FBXW5: variants seen among roughly 807,000 people sequenced by gnomAD.
FBXW5 encodes F-box/WD repeat-containing protein 5.
A neutral mutation model predicts 50.9 loss-of-function variants in FBXW5; 74 were observed. The ratio of observed to expected loss-of-function variants is 1.45; its 90% CI spans 1.20 to 1.76. The LOEUF (loss-of-function observed/expected upper bound fraction) is 1.76. Ranked by LOEUF, FBXW5 falls within the 40% of genes most tolerant of loss-of-function variation. The pLI, the probability that FBXW5 is intolerant of heterozygous loss-of-function variation, is 0.00. For missense variants in FBXW5, 1,073 were observed against 818.8 expected (o/e 1.31, Z -3.79); for synonymous variants, 523 against 362.2 (o/e 1.44, Z -5.04).
In FBXW5 at chr9:136,944,660, G is replaced by GCCGCTCGGACCGCCGCCC; in HGVS notation, c.-108_-91dup. On this transcript the variant is annotated 5_prime_UTR_variant, in exon 1 of 9. Transcript: ENST00000325285. ...ACCCGGACCCGCTTCCGCTGCCGCA[G>GCCGCTCGGACCGCCGCCC]CCGCTCGGACCGCCGCCCCCGCCCA... 1.0e-6 allele frequency: 1 copy of GCCGCTCGGACCGCCGCCC among 985,498 alleles called. No individual in the cohort carries two copies. The highest frequency in any genetic ancestry group is 1.2e-6 in the Non-Finnish European group (1 of 829,736). 61.0% of individuals were successfully genotyped at this position (985,498 alleles called of 1,614,324 possible).
In FBXW5 at chr9:136,941,040, C is replaced by G; in HGVS notation, c.1589G>C (p.Ser530Thr). Reference sequence around the variant, plus strand: ...CCAGGCTTTGATGGTGGCGTCGTCGCTGGCCGTGAGCAGCAGCTCCTGCTC... The same window carrying G: ...CCAGGCTTTGATGGTGGCGTCGTCGGTGGCCGTGAGCAGCAGCTCCTGCTC... The part of the protein sequence containing the change: ...PQEQELLLTA[S>T]DDATIKAWRS... The change falls in exon 9 of 9, where the codon AGC (serine) becomes ACC (threonine). Residue 530 changes from serine (S) to threonine (T), a missense_variant. By Grantham distance (58) the Ser-to-Thr change is moderately conservative (BLOSUM62 1). Coordinates refer to ENST00000325285, the MANE Select transcript of FBXW5 (RefSeq NM_018998.4). The G allele has an allele frequency of 2.6e-6, 4 of 1,554,436 alleles. No individual in the cohort carries two copies. The highest frequency in any genetic ancestry group is 3.5e-6 in the Non-Finnish European group (4 of 1,148,874).
At position 136,942,899 on chromosome 9, in the gene FBXW5, G is replaced by A. The variant is rs1486752932; in HGVS notation, c.396C>T (p.Asp132=). The change falls in exon 4 of 9, where the codon GAC becomes GAT. Residue 132 remains aspartate, a synonymous_variant. Coordinates refer to ENST00000325285, the MANE Select transcript of FBXW5 (RefSeq NM_018998.4). ...TGTAGCTCCAGTTGTAGGGCCGCAT[G>A]TCCGCGCTGTGCAGCAGCGAGATGG... ...DLTISLLHSA[D]MRPYNWSYTQ... is the part of the protein sequence containing the mutation. 9 of 1,613,514 alleles carry A rather than the reference G, an allele frequency of 5.6e-6. No homozygotes were observed. Among genetic ancestry groups the A allele is most frequent in the Non-Finnish European group, 6.8e-6 (8 of 1,179,982 alleles).
chr9:136,941,905 G>T, intron 6 of FBXW5, 141 bp downstream of exon 6: 1 of 1,439,766 alleles, frequency 6.9e-7, no homozygotes. Context: ...CAGGCCCCAG[G>T]TCTGGGCTTG....
chr9:136,940,474 G>C lies in FBXW5; in HGVS notation c.*454C>G. 4.2e-6 allele frequency: 1 copy of C among 235,552 alleles called. No homozygotes were observed. The highest frequency in any genetic ancestry group is 8.6e-6 in the Non-Finnish European group (1 of 116,678). 14.6% of individuals were successfully genotyped at this position (235,552 alleles called of 1,614,324 possible). ...GTTTATTCAGGGCCCTGAACGGGTG[G>C]TGCGTGGACATGCAACACACTCGGG... On this transcript the variant is annotated 3_prime_UTR_variant, in exon 9 of 9. Transcript: ENST00000325285.
At position 136,941,034 on chromosome 9, in the gene FBXW5, T is replaced by G. The variant is rs762147399; in HGVS notation, c.1595A>C (p.Asp532Ala). 4 of 1,553,588 alleles carry G rather than the reference T, an allele frequency of 2.6e-6. No individual in the cohort carries two copies. Among genetic ancestry groups the G allele is most frequent in the Admixed American group, 2.0e-5 (1 of 51,268 alleles). ...GGAGCGCCAGGCTTTGATGGTGGCG[T>G]CGTCGCTGGCCGTGAGCAGCAGCTC... ...EQELLLTASD[D>A]ATIKAWRSPR... Residue 532 changes from aspartate (D) to alanine (A), a missense_variant, in exon 9 of 9, where the codon GAC (aspartate) becomes GCC (alanine). Transcript: ENST00000325285.
At position 136,942,104 on chromosome 9, in the gene FBXW5, G is replaced by C. The variant is rs752724841; in HGVS notation, c.1038C>G (p.Ala346=). 3.1e-6 allele frequency: 5 copies of C among 1,612,722 alleles called. No individual in the cohort carries two copies. The Admixed American group carries it at 5.0e-5, about 16-fold the overall frequency. ...TGGTGAAGATGAGGTACTTGCTCTT[G>C]GCGCCTGTGGCACTGCGCTCGGGTG... ...TKPPERSATG[A]KSKYLIFTTG... is the part of the protein sequence containing the mutation. The change falls in exon 6 of 9, where the codon GCC becomes GCG. Residue 346 remains alanine, a synonymous_variant. Coordinates refer to ENST00000325285, the MANE Select transcript of FBXW5 (RefSeq NM_018998.4).
In FBXW5 at chr9:136,944,024, G is replaced by C; in HGVS notation, c.60C>G (p.Ser20Arg). Residue 20 changes from serine to arginine, a missense_variant, in exon 2 of 9, where the codon AGC (serine) becomes AGG (arginine). Ser to Arg is a moderately radical substitution (Grantham distance 110). Coordinates refer to ENST00000325285, the MANE Select transcript of FBXW5 (RefSeq NM_018998.4). ...PDSLVYQIFL[S>R]LGPADVLAAG... Reference sequence around the variant, plus strand: ...CGGCCAGCACGTCGGCCGGGCCCAGGCTCAGGAAGATCTGGTAGACCAGGC... The same window carrying C: ...CGGCCAGCACGTCGGCCGGGCCCAGCCTCAGGAAGATCTGGTAGACCAGGC... 1 of 1,603,242 alleles carries C rather than the reference G, an allele frequency of 6.2e-7. No individual in the cohort carries two copies. The highest frequency in any genetic ancestry group is 8.5e-7 in the Non-Finnish European group (1 of 1,175,792).
At position 136,941,037 on chromosome 9, in the gene FBXW5, T is replaced by C. The variant is rs1588456700; in HGVS notation, c.1592A>G (p.Asp531Gly). The C allele has an allele frequency of 6.4e-7, 1 of 1,553,744 alleles. No individual in the cohort carries two copies. Among genetic ancestry groups the C allele is most frequent in the Admixed American group, 1.9e-5 (1 of 51,286 alleles). Reference protein sequence around the residue: ...QEQELLLTASDDATIKAWRSP... With the variant: ...QEQELLLTASGDATIKAWRSP... Reference sequence around the variant, plus strand: ...GCGCCAGGCTTTGATGGTGGCGTCGTCGCTGGCCGTGAGCAGCAGCTCCTG... The same window carrying C: ...GCGCCAGGCTTTGATGGTGGCGTCGCCGCTGGCCGTGAGCAGCAGCTCCTG... The change falls in exon 9 of 9, where the codon GAC (aspartate) becomes GGC (glycine). Residue 531 changes from aspartate (D) to glycine (G), a missense_variant. By Grantham distance (94) the Asp-to-Gly change is moderately conservative. Coordinates refer to ENST00000325285, the MANE Select transcript of FBXW5 (RefSeq NM_018998.4).
Position 136,942,312 on chromosome 9 carries a change from C to G in FBXW5, c.830G>C (p.Cys277Ser), listed in dbSNP as rs778683183. The change falls in exon 6 of 9, where the codon TGC becomes TCC. Residue 277 changes from cysteine (C) to serine (S), a missense_variant. Transcript: ENST00000325285. ...LEAGDPATSP[C>S]RIFDLGSDNE... ...GTCGCTGCCCAGGTCAAAGATGCGGCAGGGGGACGTGGCCGGGTCACCGGC... is the reference window on the plus strand; with the variant it reads ...GTCGCTGCCCAGGTCAAAGATGCGGGAGGGGGACGTGGCCGGGTCACCGGC... 7 of 1,597,544 alleles carry G rather than the reference C, an allele frequency of 4.4e-6. No individual in the cohort carries two copies. Among genetic ancestry groups the G allele is most frequent in the Non-Finnish European group, 6.0e-6 (7 of 1,173,116 alleles).
chr9:136,941,834 G>C (rs773775925), intron 6 of FBXW5, 150 bp from the exon 7 acceptor site: 73 of 1,438,024 alleles, frequency 5.1e-5, no homozygotes, highest in Non-Finnish European at 6.3e-5. Context: ...ACCTGAATCA[G>C]GCCCGTCGGT....
chr9:136,942,577 G>C lies in FBXW5; in HGVS notation c.645C>G (p.Cys215Trp). The change falls in exon 5 of 9, where the codon TGC becomes TGG. Residue 215 changes from cysteine to tryptophan, a missense_variant. By Grantham distance (215) the Cys-to-Trp change is radical. Coordinates refer to ENST00000325285, the MANE Select transcript of FBXW5 (RefSeq NM_018998.4). ...AGGCATTGTTGAGCCACAGCACCGAGCAGGAGGTGATATCTCCGATGCGGT... is the reference window on the plus strand; with the variant it reads ...AGGCATTGTTGAGCCACAGCACCGACCAGGAGGTGATATCTCCGATGCGGT... ...NLHRIGDITS[C>W]SVLWLNNAFQ... The C allele has an allele frequency of 6.2e-7, 1 of 1,611,998 alleles. No individual in the cohort carries two copies. The highest frequency in any genetic ancestry group is 8.5e-7 in the Non-Finnish European group (1 of 1,179,590).
rs753936687 is a variant in FBXW5, at chr9:136,944,053, C to T, written c.31G>A (p.Asp11Asn). The T allele has an allele frequency of 3.7e-6, 6 of 1,603,388 alleles. No homozygotes were observed. The highest frequency in any genetic ancestry group is 2.3e-5 in the East Asian group (1 of 44,370). ...AGGAAGATCTGGTAGACCAGGCTGT[C>T]GGGGAGCAGGGGCGTGCCGCCCTCG... MDEGGTPLLP[D>N]SLVYQIFLSL... Residue 11 changes from aspartate to asparagine, a missense_variant, in exon 2 of 9, where the codon GAC becomes AAC. By Grantham distance (23) the Asp-to-Asn change is conservative (BLOSUM62 1). Transcript: ENST00000325285.
chr9:136,943,679 C>T (rs1347268630), intron 2 of FBXW5, among the ~76,000 whole-genome samples, 173 bp from the exon 3 acceptor site: 16 of 152,010 alleles, frequency 1.1e-4, no homozygotes, highest in Admixed American at 6.5e-4. Context: ...GACCCCTGTA[C>T]CCCCCACCCC....
rs1850962591 is a variant in FBXW5 at position 136,944,597 on chromosome 9, G to C, written c.-27C>G. The stretch of plus-strand genomic sequence containing the variant: ...CGAGGGCCGCAGGCGCACTCACCAC[G>C]GCCGCCTCCGCCCGCTGCGCCGCCC... On this transcript the variant is annotated 5_prime_UTR_variant, in exon 1 of 9. Transcript: ENST00000325285. 1 of 984,210 alleles carries C rather than the reference G, an allele frequency of 1.0e-6. No homozygotes were observed. Among genetic ancestry groups the C allele is most frequent in the African/African-American group, 1.8e-5 (1 of 57,034 alleles). 61.0% of individuals were successfully genotyped at this position (984,210 alleles called of 1,614,324 possible). A position where few individuals can be genotyped will look rare whatever the true frequency, so the allele number is the denominator to read the frequency against.
Position 136,942,120 on chromosome 9 carries a change from C to A in FBXW5, c.1022G>T (p.Arg341Leu), listed in dbSNP as rs142198682. The change falls in exon 6 of 9, where the codon CGC becomes CTC. Residue 341 changes from arginine to leucine, a missense_variant. Arg to Leu is a moderately radical substitution (Grantham distance 102). Transcript: ENST00000325285. ...CTTGCTCTTGGCGCCTGTGGCACTGCGCTCGGGTGGCTTGGTGTGGCCCTG... is the reference window on the plus strand; with the variant it reads ...CTTGCTCTTGGCGCCTGTGGCACTGAGCTCGGGTGGCTTGGTGTGGCCCTG... ...LAQGHTKPPE[R>L]SATGAKSKYL... 1.8e-5 allele frequency: 29 copies of A among 1,612,084 alleles called. No homozygotes were observed. Among genetic ancestry groups the A allele is most frequent in the South Asian group, 5.5e-5 (5 of 90,722 alleles).
intron 3 of FBXW5, 127 bp from the exon 4 acceptor site, chr9:136,943,070 TC>T (rs1850860486): frequency 4.9e-6 from 7 of 1,425,810 alleles, no homozygotes; most frequent in Non-Finnish European, 6.8e-6. Context: ...AGGGACCCCT[TC>T]CAGCCACTGT....
chr9:136,942,346 G>GC lies in FBXW5; in HGVS notation c.795dup (p.Leu266AlafsTer6), dbSNP rs1257295164. ...GTGGCCGGGTCACCGGCTTCCAGCA[G>GC]CAGGTCAGGGCTGTCGAAGCGGCTG... On this transcript the variant is annotated frameshift_variant, in exon 6 of 9. Transcript: ENST00000325285. LOFTEE classifies it high-confidence loss of function. 1 of 1,606,048 alleles carries GC rather than the reference G, an allele frequency of 6.2e-7. No homozygotes were observed.
chr9:136,941,479 T>A lies in FBXW5; in HGVS notation c.1245-16A>T, dbSNP rs1365991949. On this transcript the variant is annotated splice_polypyrimidine_tract_variant and intron_variant, in intron 7 of 8. Transcript: ENST00000325285. ...GTACAGGTACCTGGGCGAGGGGCACTGTGCTAGGTGTGGGCCGCCTGCGGG... is the reference window on the plus strand; with the variant it reads ...GTACAGGTACCTGGGCGAGGGGCACAGTGCTAGGTGTGGGCCGCCTGCGGG... 6.2e-6 allele frequency: 10 copies of A among 1,604,642 alleles called. No homozygotes were observed. Among genetic ancestry groups the A allele is most frequent in the Non-Finnish European group, 7.6e-6 (9 of 1,178,272 alleles).
At position 136,943,494 on chromosome 9, in the gene FBXW5, C is replaced by G. The variant is rs1850888334; in HGVS notation, c.206G>C (p.Trp69Ser). Reference sequence around the variant, plus strand: ...ATACAGCCGCTGGAACTCCTCGTACCAGGACATGGCCGCTGCGGGTGGGCA... The same window carrying G: ...ATACAGCCGCTGGAACTCCTCGTACGAGGACATGGCCGCTGCGGGTGGGCA... ...DVPRHPAAMSWYEEFQRLYDT... is the reference protein window; with the variant it reads ...DVPRHPAAMSSYEEFQRLYDT... The change falls in exon 3 of 9, where the codon TGG becomes TCG. Residue 69 changes from tryptophan (W) to serine (S), a missense_variant. By Grantham distance (177) the Trp-to-Ser change is radical. Coordinates refer to ENST00000325285, the MANE Select transcript of FBXW5 (RefSeq NM_018998.4). The G allele has an allele frequency of 9.3e-6, 15 of 1,610,014 alleles. No individual in the cohort carries two copies. The highest frequency in any genetic ancestry group is 1.3e-5 in the Non-Finnish European group (15 of 1,177,724).
Sources: gnomAD v4.1 joint callset for allele counts (sites outside exome capture counted in the v4.1 genomes callset) on GRCh38, gnomAD v4.1.1 for gene constraint, MANE v1.5 for transcripts, NCBI Gene and HGNC (gene_info 2026-07-23, HGNC 2026-07-21) for gene names.